The following TAF4B variants were observed in gnomAD, a reference collection of about 807,000 sequenced individuals.
TAF4B encodes the protein transcription initiation factor TFIID subunit 4B.
TAF4B carries 38 observed loss-of-function variants against 86.4 expected under a neutral mutation model. The ratio of observed to expected loss-of-function variants is 0.44; its 90% confidence interval spans 0.34 to 0.58. TAF4B has a LOEUF of 0.58. Among genes scored for constraint, TAF4B ranks in the 20% least tolerant of loss-of-function variants. The pLI is 0.02. For missense variants in TAF4B, 988 were observed against 1,027.6 expected, an observed-to-expected ratio of 0.96 and a Z score of 0.53; for synonymous variants, 388 against 391.2, an observed-to-expected ratio of 0.99 and a Z score of 0.10.
chr18:26,293,443 A>G lies in TAF4B; in HGVS notation c.1744A>G (p.Ile582Val), dbSNP rs1228123241. The change falls in exon 9 of 15, where the codon ATT (isoleucine) becomes GTT (valine). Residue 582 changes from isoleucine to valine, a missense_variant. Around this residue, in one of 3 missense-constraint regions of TAF4B, gnomAD observed 747 missense variants for 737.9 expected, o/e 1.01. Transcript: ENST00000269142. The stretch of plus-strand genomic sequence containing the variant: ...TTTTATAGCTTCCATTCTAAAGCAA[A>G]TTACTCTGCCTGGAAATAAAATTCT... ...QFPPASILKQ[I>V]TLPGNKILSL... The G allele has an allele frequency of 1.3e-6, 2 of 1,594,898 alleles. No individual in the cohort carries two copies. The highest frequency in any genetic ancestry group is 1.9e-5 in the Admixed American group (1 of 53,950).
chr18:26,337,124 C>G (rs561829335), intron 13 of TAF4B, among the ~76,000 whole-genome samples: 1 of 152,218 alleles, frequency 6.6e-6, no homozygotes, highest in Non-Finnish European at 1.5e-5. Flanking sequence ...TAAAGGAATT[C>G]AGTATAACTT....
intron 13 of TAF4B, among the ~76,000 whole-genome samples, chr18:26,346,759 G>GTGTGTATATATATATATA (rs1202008455): frequency 1.1e-4 from 3 of 27,142 alleles, no homozygotes; most frequent in East Asian, 2.0e-3. Context: ...ATATATGTGT[G>GTGTGTATATATATATATA]TATATATATA....
intron 1 of TAF4B, among the ~76,000 whole-genome samples, chr18:26,264,398 C>T (rs1016337943): frequency 1.3e-5 from 2 of 152,106 alleles, no homozygotes; most frequent in African/African-American, 4.8e-5. Context: ...CCAAGATCGT[C>T]TGGGCGACAG....
intron 14 of TAF4B, among the ~76,000 whole-genome samples, chr18:26,385,771 G>A (rs1978336659): frequency 6.8e-6 from 1 of 147,134 alleles, no homozygotes; most frequent in Admixed American, 7.0e-5. Context: ...AATGTGACCA[G>A]AAATCAGTCC....
At chr18:26,306,968 T>C (rs1242347877) in intron 9 of TAF4B, among the ~76,000 whole-genome samples, 1 of 151,778 alleles carries the variant, frequency 6.6e-6, no homozygotes, top group Non-Finnish European at 1.5e-5. Flanking sequence ...TTTTTAGTAG[T>C]GACGGAGTTT....
intron 14 of TAF4B, among the ~76,000 whole-genome samples, chr18:26,366,835 C>T (rs1374167549): frequency 6.6e-6 from 1 of 152,142 alleles, no homozygotes; most frequent in Non-Finnish European, 1.5e-5. Flanking sequence ...ATTATATATA[C>T]ATGTGCTTTT....
chr18:26,315,139 TC>T (rs1568147912), intron 9 of TAF4B, 89 bp from the exon 10 acceptor site: 46 of 368,272 alleles, frequency 1.2e-4, no homozygotes, highest in Non-Finnish European at 1.6e-4. Context: ...TCTCTCTCTC[TC>T]TCTCTGTCTC....
Position 26,346,835 on chromosome 18 carries a change from ATGTGTGTG to A in TAF4B, c.2317-10851_2317-10844del, listed in dbSNP as rs763951048. Among the ~76,000 whole-genome samples the A allele has an allele frequency of 9.7e-4, 17 of 17,526 alleles. 3 individuals are homozygous for A. Among genetic ancestry groups the A allele is most frequent in the Non-Finnish European group, 1.7e-3 (12 of 7,118 alleles). 11.5% of individuals were successfully genotyped at this position (17,526 alleles called of 152,430 possible). ...TATATATGTGTGTGTATATATATAT[ATGTGTGTG>A]TGTATATATATATATGTGTATATAT... is the stretch of plus-strand genomic sequence containing the variant. On this transcript the variant is annotated intron_variant, in intron 13 of 14. Transcript: ENST00000269142.
chr18:26,382,310 G>A (rs1427929245), intron 14 of TAF4B, among the ~76,000 whole-genome samples: 5 of 152,188 alleles, frequency 3.3e-5, no homozygotes, highest in Non-Finnish European at 5.9e-5. Flanking sequence ...CATAGTGTAA[G>A]TAGGAAAGTC....
In TAF4B at chr18:26,290,717, T is replaced by G. The variant is rs556770887; in HGVS notation, c.1591-1529T>G. On this transcript the variant is annotated intron_variant, in intron 7 of 14. Transcript: ENST00000269142. ...CAAACACGAGTGACTTCATTTTGATTCTGACAACTTTCACACTGGTAAACA... is the reference window on the plus strand; with the variant it reads ...CAAACACGAGTGACTTCATTTTGATGCTGACAACTTTCACACTGGTAAACA... Among the ~76,000 whole-genome samples, 14 of 152,332 alleles carry G rather than the reference T, an allele frequency of 9.2e-5. No individual in the cohort carries two copies. In the East Asian group the frequency reaches 1.7e-3, roughly 19 times the overall value.
At chr18:26,302,977 AAAG>A (rs2056753040) in intron 9 of TAF4B, among the ~76,000 whole-genome samples, 1 of 152,164 alleles carries the variant, frequency 6.6e-6, no homozygotes, top group Non-Finnish European at 1.5e-5. Context: ...TATAATTTCA[AAAG>A]AAGTTTTATA....
intron 13 of TAF4B, among the ~76,000 whole-genome samples, chr18:26,345,755 C>A (rs955487431): frequency 6.6e-6 from 1 of 152,154 alleles, no homozygotes; most frequent in Admixed American, 6.5e-5. Flanking sequence ...TGTAGGGATA[C>A]ATCAAACATG....
At chr18:26,229,301 T>C (rs2055625991) in intron 1 of TAF4B, among the ~76,000 whole-genome samples, 1 of 152,156 alleles carries the variant, frequency 6.6e-6, no homozygotes, top group South Asian at 2.1e-4. Flanking sequence ...TTGGTCGTTA[T>C]AGAGGAAGTG....
In TAF4B at chr18:26,321,089, A is replaced by G. The variant is rs370766544; in HGVS notation, c.2022A>G (p.Thr674=). 4.3e-6 allele frequency: 7 copies of G among 1,613,904 alleles called. No individual in the cohort carries two copies. The South Asian group carries it at 5.5e-5, about 13-fold the overall frequency. Reference sequence around the variant, plus strand: ...CTGCAGGTAAAAAGCATGACATTACAGAACTTAACTCTGATGCTGTGAACT... The same window carrying G: ...CTGCAGGTAAAAAGCATGACATTACGGAACTTAACTCTGATGCTGTGAACT... The part of the protein sequence containing the change: ...ILDIGKKHDI[T]ELNSDAVNLI... The change falls in exon 11 of 15, where the codon ACA becomes ACG. Residue 674 remains threonine, a synonymous_variant. Transcript: ENST00000269142.
chr18:26,344,955 G>T (rs1263772123), intron 13 of TAF4B, among the ~76,000 whole-genome samples: 1 of 152,184 alleles, frequency 6.6e-6, no homozygotes, highest in Non-Finnish European at 1.5e-5. Flanking sequence ...CAGGGAAAAG[G>T]CAATCAGAAT....
intron 9 of TAF4B, among the ~76,000 whole-genome samples, chr18:26,296,133 C>T (rs760736896): frequency 4.0e-5 from 6 of 151,854 alleles, no homozygotes; most frequent in Non-Finnish European, 7.4e-5. Context: ...TTCCACCTTT[C>T]TTCAATGCCT....
rs750780311 is a variant in TAF4B, at chr18:26,227,298, G to C, written c.343+22G>C. ...CCAGGTATGTTGATAACCCTTTCCAGCCTTGTCTGTCGGTCCAGCTGGCGG... is the reference window on the plus strand; with the variant it reads ...CCAGGTATGTTGATAACCCTTTCCACCCTTGTCTGTCGGTCCAGCTGGCGG... On this transcript the variant is annotated intron_variant, in intron 1 of 14. Transcript: ENST00000269142. 6 of 1,599,180 alleles carry C rather than the reference G, an allele frequency of 3.8e-6. No individual in the cohort carries two copies. The South Asian group carries it at 6.8e-5, about 18-fold the overall frequency.
intron 9 of TAF4B, among the ~76,000 whole-genome samples, chr18:26,301,343 G>A (rs2056730898): frequency 6.6e-6 from 1 of 150,994 alleles, no homozygotes; most frequent in Middle Eastern, 3.2e-3. Context: ...CTGAAGTACA[G>A]TGGCACAATC....
chr18:26,295,106 G>A, intron 9 of TAF4B: 1 of 190,118 alleles, frequency 5.3e-6, no homozygotes, highest in Non-Finnish European at 1.0e-5. Flanking sequence ...TATTTTAACT[G>A]CATAATTTAT....
Sources: allele counts gnomAD v4.1 joint callset (sites outside exome capture counted in the v4.1 genomes callset), GRCh38; gene constraint gnomAD v4.1.1; regional missense constraint gnomAD v4.1.1; transcripts MANE v1.5; gene names NCBI Gene and HGNC (gene_info 2026-07-23, HGNC 2026-07-21).